Variants in OSTM1 observed in about 807,000 individuals in gnomAD.
OSTM1 encodes osteoclastogenesis associated transmembrane protein 1.
Under a neutral mutation model 35.4 loss-of-function variants are expected in OSTM1, and 26 were observed. The observed-to-expected ratio is 0.73, with a 90% CI of 0.54 to 1.02. The LOEUF is 1.02. Among genes scored for constraint, OSTM1 ranks in the 50% least tolerant of loss-of-function variants. The pLI is 0.00. For missense variants in OSTM1, 366 were observed against 409.6 expected (o/e 0.89, Z 0.92); for synonymous variants, 181 against 165.0 (o/e 1.10, Z -0.75).
At chr6:108,058,505 T>G (rs1182633276) in intron 2 of OSTM1, among the ~76,000 whole-genome samples, 1 of 152,224 alleles carries the variant, frequency 6.6e-6, no homozygotes, top group East Asian at 1.9e-4. Context: ...AGAAAGGTTT[T>G]GGGCCGGGCG....
At chr6:108,061,337 C>T (rs533795859) in intron 2 of OSTM1, among the ~76,000 whole-genome samples, 4 of 152,242 alleles carry the variant, frequency 2.6e-5, no homozygotes, top group East Asian at 3.9e-4. Flanking sequence ...TATAGGTACA[C>T]AAATTTTTAA....
chr6:108,069,635 A>G (rs572917998), intron 1 of OSTM1, among the ~76,000 whole-genome samples: 1 of 152,240 alleles, frequency 6.6e-6, no homozygotes, highest in Non-Finnish European at 1.5e-5. Flanking sequence ...ATAATGCTGA[A>G]TCACAATGAA....
At chr6:108,060,423 A>T (rs1055377249) in intron 2 of OSTM1, among the ~76,000 whole-genome samples, 2 of 152,228 alleles carry the variant, frequency 1.3e-5, no homozygotes, top group Non-Finnish European at 2.9e-5. Flanking sequence ...TCTTTTTTAC[A>T]AAACACCTTT....
At chr6:108,055,628 A>C (rs563218286) in intron 2 of OSTM1, among the ~76,000 whole-genome samples, 1 of 152,246 alleles carries the variant, frequency 6.6e-6, no homozygotes, top group Admixed American at 6.5e-5. Flanking sequence ...ACTCTCCTAG[A>C]ATCCTTGCCC....
At chr6:108,073,372 A>C (rs1772520273) in intron 1 of OSTM1, among the ~76,000 whole-genome samples, 1 of 152,148 alleles carries the variant, frequency 6.6e-6, no homozygotes, top group Non-Finnish European at 1.5e-5. Flanking sequence ...CTGACACTCT[A>C]ATCTTTTCCT....
chr6:108,069,476 C>G (rs1772443929), intron 1 of OSTM1, among the ~76,000 whole-genome samples: 1 of 152,098 alleles, frequency 6.6e-6, no homozygotes, highest in Non-Finnish European at 1.5e-5. Flanking sequence ...TACACAGATA[C>G]ATAGATAGAT....
At chr6:108,047,314 T>C (rs1157487861) in intron 5 of OSTM1, among the ~76,000 whole-genome samples, 2 of 152,026 alleles carry the variant, frequency 1.3e-5, no homozygotes, top group Non-Finnish European at 2.9e-5. Flanking sequence ...AGCTTGGTAG[T>C]GGAGAAGAAC....
intron 5 of OSTM1, among the ~76,000 whole-genome samples, chr6:108,045,805 T>C (rs1345716229): frequency 1.3e-5 from 2 of 152,158 alleles, no homozygotes; most frequent in East Asian, 1.9e-4. Flanking sequence ...AAAACAATCA[T>C]GCCCATAGTG....
At chr6:108,052,143 T>C (rs1032449157) in intron 3 of OSTM1, among the ~76,000 whole-genome samples, 1 of 152,090 alleles carries the variant, frequency 6.6e-6, no homozygotes, top group South Asian at 2.1e-4. Context: ...TAGTTAAAAA[T>C]TGAGCACAGG....
intron 1 of OSTM1, among the ~76,000 whole-genome samples, chr6:108,070,392 T>C (rs1000368497): frequency 9.9e-5 from 15 of 152,190 alleles, no homozygotes; most frequent in African/African-American, 2.2e-4. Flanking sequence ...TAAATTGCTA[T>C]GGTACAATTT....
rs1321061692 is a variant in OSTM1 at position 108,070,657 on chromosome 6, A to G, written c.402+3593T>C. Among the ~76,000 whole-genome samples, 16 of 152,168 alleles carry G rather than the reference A, an allele frequency of 1.1e-4. No homozygotes were observed. The East Asian group carries it at 3.1e-3, about 30-fold the overall frequency. ...GTAATCCCAGCACTCTGGGAGGCCG[A>G]GCCGGGTGGACCACCTGAGGTCAGG... On this transcript the variant is annotated intron_variant, in intron 1 of 5. Coordinates refer to ENST00000193322, the MANE Select transcript of OSTM1 (RefSeq NM_014028.4).
chr6:108,067,875 G>A (rs1220704282), intron 1 of OSTM1, among the ~76,000 whole-genome samples: 1 of 143,370 alleles, frequency 7.0e-6, no homozygotes, highest in East Asian at 2.1e-4. Flanking sequence ...ATGAAAGAAA[G>A]TCTCTGAGTC....
At chr6:108,070,337 C>T (rs1013204552) in intron 1 of OSTM1, among the ~76,000 whole-genome samples, 1 of 152,182 alleles carries the variant, frequency 6.6e-6, no homozygotes, top group South Asian at 2.1e-4. Context: ...CTGCATCTGG[C>T]TCTGTTCCCT....
At chr6:108,064,161 C>T in intron 2 of OSTM1, 24 bp downstream of exon 2, 1 of 1,168,218 alleles carries the variant, frequency 8.6e-7, no homozygotes, top group Non-Finnish European at 1.3e-6. Context: ...ATAACTGCAA[C>T]ATGAAAATGA....
chr6:108,051,149 T>C lies in OSTM1; in HGVS notation c.665A>G (p.Lys222Arg), dbSNP rs1278022619. 1.9e-6 allele frequency: 3 copies of C among 1,613,560 alleles called. No individual in the cohort carries two copies. The highest frequency in any genetic ancestry group is 1.3e-5 in the African/African-American group (1 of 74,928). ...LQTKNYSEVC[K>R]NCREAYKTLS... ...AGTTTTGTATGCTTCACGGCAGTTT[T>C]TGCATACTTCTGAATAATTTTTTGT... Residue 222 changes from lysine (K) to arginine (R), a missense_variant, in exon 4 of 6, where the codon AAA becomes AGA. Lys to Arg is a conservative substitution (Grantham distance 26). Coordinates refer to ENST00000193322, the MANE Select transcript of OSTM1 (RefSeq NM_014028.4).
At chr6:108,045,092 A>T (rs1463407549) in intron 5 of OSTM1, among the ~76,000 whole-genome samples, 2 of 152,162 alleles carry the variant, frequency 1.3e-5, no homozygotes, top group African/African-American at 2.4e-5. Context: ...TATCTTCTTG[A>T]ACATCACAAT....
intron 5 of OSTM1, among the ~76,000 whole-genome samples, chr6:108,048,313 A>G (rs1772015440): frequency 6.6e-6 from 1 of 152,234 alleles, no homozygotes; most frequent in Non-Finnish European, 1.5e-5. Flanking sequence ...TTTAAAAACT[A>G]AAATTATTAA....
chr6:108,048,928 T>C (rs1772028864), intron 5 of OSTM1, among the ~76,000 whole-genome samples: 1 of 151,998 alleles, frequency 6.6e-6, no homozygotes, highest in Non-Finnish European at 1.5e-5. Flanking sequence ...ATTTTTTGCA[T>C]TTTTAGTAGA....
Position 108,062,798 on chromosome 6 carries a change from G to T in OSTM1, c.517+1387C>A, listed in dbSNP as rs191226234. Among the ~76,000 whole-genome samples the T allele has an allele frequency of 1.4e-4, 21 of 152,164 alleles. No homozygotes were observed. In the East Asian group the frequency reaches 3.3e-3, roughly 24 times the overall value. ...CCACCTTGGCCTCCCAAAGTGCTGG[G>T]ATTACAGGTGTGAGCCACCATGCCT... On this transcript the variant is annotated intron_variant, in intron 2 of 5. Coordinates refer to ENST00000193322, the MANE Select transcript of OSTM1 (RefSeq NM_014028.4).
Sources: allele counts gnomAD v4.1 joint callset (sites outside exome capture counted in the v4.1 genomes callset), GRCh38; gene constraint gnomAD v4.1.1; transcripts MANE v1.5; gene names NCBI Gene and HGNC (gene_info 2026-07-23, HGNC 2026-07-21).